The following DNAAF11 variants were observed in gnomAD, a reference collection of about 807,000 sequenced individuals.
DNAAF11 encodes dynein axonemal assembly factor 11.
DNAAF11 carries 45 observed loss-of-function variants against 60.8 expected under a neutral mutation model. The ratio of observed to expected loss-of-function variants is 0.74; its 90% CI spans 0.58 to 0.95. The LOEUF (loss-of-function observed/expected upper bound fraction) is 0.95. DNAAF11 is among the 40% of genes least tolerant of loss of function. The pLI, the probability that DNAAF11 is intolerant of heterozygous loss-of-function variation, is 0.00. For missense variants in DNAAF11, 546 were observed against 546.2 expected, an observed-to-expected ratio of 1.00 and a Z score of 0.00; for synonymous variants, 191 against 183.5, an observed-to-expected ratio of 1.04 and a Z score of -0.33.
intron 9 of DNAAF11, 48 bp from the exon 10 acceptor site, chr8:132,610,309 T>A: frequency 7.9e-7 from 1 of 1,259,290 alleles, no homozygotes; most frequent in Non-Finnish European, 1.2e-6. Context: ...GGACGTTACA[T>A]GAGAGGGTTA....
intron 3 of DNAAF11, among the ~76,000 whole-genome samples, chr8:132,647,759 C>A (rs553357155): frequency 6.6e-6 from 1 of 152,206 alleles, no homozygotes; most frequent in Non-Finnish European, 1.5e-5. Context: ...ACTAGAAAAT[C>A]TAGAAGAAAT....
At chr8:132,655,772 A>G (rs1468346435) in intron 3 of DNAAF11, among the ~76,000 whole-genome samples, 1 of 152,182 alleles carries the variant, frequency 6.6e-6, no homozygotes, top group Non-Finnish European at 1.5e-5. Flanking sequence ...ACAATAACAT[A>G]CCACTTCACA....
intron 4 of DNAAF11, 22 bp from the exon 5 acceptor site, chr8:132,632,985 T>C (rs771968203): frequency 2.6e-6 from 4 of 1,545,676 alleles, no homozygotes; most frequent in South Asian, 1.1e-5. Flanking sequence ...ACAATAAATA[T>C]AGTACAATTG....
chr8:132,701,828 C>G, the DNAAF11 span, among the ~76,000 whole-genome samples: 2 of 152,144 alleles, frequency 1.3e-5, no homozygotes, highest in African/African-American at 4.8e-5. Flanking sequence ...GAGCCCTCTG[C>G]TTCCACCAGA....
chr8:132,598,693 T>G (rs1817275293), intron 10 of DNAAF11, among the ~76,000 whole-genome samples: 1 of 152,058 alleles, frequency 6.6e-6, no homozygotes, highest in South Asian at 2.1e-4. Flanking sequence ...AAATATTATC[T>G]CTGCTAGAAA....
the DNAAF11 span, among the ~76,000 whole-genome samples, chr8:132,684,032 C>A: frequency 6.6e-6 from 1 of 152,190 alleles, no homozygotes; most frequent in African/African-American, 2.4e-5. Context: ...ACCTTCTTGG[C>A]ACTCCATGGC....
At chr8:132,663,108 G>A (rs1430359934) in intron 1 of DNAAF11, among the ~76,000 whole-genome samples, 3 of 152,144 alleles carry the variant, frequency 2.0e-5, no homozygotes, top group African/African-American at 7.2e-5. Flanking sequence ...AGGCAGAGAT[G>A]GTCACAAACC....
chr8:132,678,872 A>G (rs528568293), upstream of DNAAF11, among the ~76,000 whole-genome samples: 6 of 152,274 alleles, frequency 3.9e-5, no homozygotes, highest in African/African-American at 1.2e-4. Flanking sequence ...AGACTAGGAC[A>G]TGTGCCTTGG....
At chr8:132,617,679 G>C (rs1164117298) in intron 7 of DNAAF11, among the ~76,000 whole-genome samples, 1 of 152,160 alleles carries the variant, frequency 6.6e-6, no homozygotes, top group Non-Finnish European at 1.5e-5. Flanking sequence ...AGTGGTGAGA[G>C]AGGGCATCCC....
intron 3 of DNAAF11, among the ~76,000 whole-genome samples, chr8:132,644,572 C>T (rs973499917): frequency 1.3e-5 from 2 of 152,118 alleles, no homozygotes; most frequent in African/African-American, 4.8e-5. Flanking sequence ...TCAGGGAATT[C>T]CCTTTCCTAG....
intron 10 of DNAAF11, among the ~76,000 whole-genome samples, chr8:132,601,216 C>G (rs546424017): frequency 6.6e-6 from 1 of 152,184 alleles, no homozygotes; most frequent in South Asian, 2.1e-4. Flanking sequence ...ATCAAAACCA[C>G]AATGAGATCC....
the DNAAF11 span, among the ~76,000 whole-genome samples, chr8:132,685,606 C>G: frequency 6.6e-6 from 1 of 152,194 alleles, no homozygotes; most frequent in Non-Finnish European, 1.5e-5. Context: ...TGTCACACAG[C>G]TCTGTTAGGC....
At chr8:132,604,119 A>G (rs565439094) in intron 10 of DNAAF11, among the ~76,000 whole-genome samples, 1 of 152,318 alleles carries the variant, frequency 6.6e-6, no homozygotes, top group Admixed American at 6.5e-5. Flanking sequence ...TGAGCTGAGA[A>G]TGAGAAATAA....
chr8:132,638,032 T>C lies in DNAAF11; in HGVS notation c.332A>G (p.His111Arg), dbSNP rs1821478605. 1 of 1,614,046 alleles carries C rather than the reference T, an allele frequency of 6.2e-7. No individual in the cohort carries two copies. The highest frequency in any genetic ancestry group is 1.3e-5 in the African/African-American group (1 of 74,944). Residue 111 changes from histidine (H) to arginine (R), a missense_variant, in exon 4 of 12, where the codon CAC becomes CGC. His to Arg is a conservative substitution (Grantham distance 29, BLOSUM62 0). Coordinates refer to ENST00000620350, the MANE Select transcript of DNAAF11 (RefSeq NM_012472.6). ...GELSSIKNLQ[H>R]NIHLKELFLM... is the part of the protein sequence containing the mutation. Reference sequence around the variant, plus strand: ...AAAGAGCTCCTTCAGATGGATATTGTGCTGCAAGTTTTTAATGCTGCTCAG... The same window carrying C: ...AAAGAGCTCCTTCAGATGGATATTGCGCTGCAAGTTTTTAATGCTGCTCAG...
chr8:132,666,408 G>C (rs571756387), intron 1 of DNAAF11, among the ~76,000 whole-genome samples: 2 of 152,066 alleles, frequency 1.3e-5, no homozygotes, highest in East Asian at 3.9e-4. Flanking sequence ...CCATAAATAT[G>C]TACAATTATG....
chr8:132,665,274 G>C (rs908697293), intron 1 of DNAAF11, among the ~76,000 whole-genome samples: 2 of 151,850 alleles, frequency 1.3e-5, no homozygotes, highest in African/African-American at 4.8e-5. Context: ...TATCTTCATG[G>C]TGCATGGAGA....
chr8:132,699,870 T>C, the DNAAF11 span, among the ~76,000 whole-genome samples: 1 of 152,182 alleles, frequency 6.6e-6, no homozygotes, highest in African/African-American at 2.4e-5. Flanking sequence ...ATCATATGAT[T>C]CCAGTTATAT....
At position 132,570,439 on chromosome 8, in the gene DNAAF11, G is replaced by T. The variant is rs192532172; in HGVS notation, c.*1867C>A. Among the ~76,000 whole-genome samples, 1 of 152,212 alleles carries T rather than the reference G, an allele frequency of 6.6e-6. No individual in the cohort carries two copies. The highest frequency in any genetic ancestry group is 6.5e-5 in the Admixed American group (1 of 15,296). ...GATGGCACAGTTTTGTTTGTTTAAT[G>T]GATAATTCTATTAGTTTGGTCAAAA... On this transcript the variant is annotated 3_prime_UTR_variant, in exon 12 of 12. Coordinates refer to ENST00000620350, the MANE Select transcript of DNAAF11 (RefSeq NM_012472.6).
chr8:132,600,395 C>T (rs1415562608), intron 10 of DNAAF11, among the ~76,000 whole-genome samples: 1 of 152,160 alleles, frequency 6.6e-6, no homozygotes, highest in Non-Finnish European at 1.5e-5. Flanking sequence ...CTACCAATGA[C>T]TTTCTTCACA....
Sources: allele counts gnomAD v4.1 joint callset (sites outside exome capture counted in the v4.1 genomes callset), GRCh38; gene constraint gnomAD v4.1.1; transcripts MANE v1.5; gene names NCBI Gene and HGNC (gene_info 2026-07-23, HGNC 2026-07-21).